The following ABCA1 variants were observed in gnomAD, a reference collection of about 807,000 sequenced individuals.
ABCA1 encodes the protein phospholipid-transporting ATPase ABCA1.
ABCA1 carries 133 observed loss-of-function variants against 262.5 expected under a neutral mutation model. The observed-to-expected ratio is 0.51, with a 90% CI of 0.44 to 0.59. ABCA1 has a LOEUF of 0.59. Ranked by LOEUF, ABCA1 falls within the 20% of genes least tolerant of loss-of-function variation. ABCA1 has a pLI of 0.00. For missense variants in ABCA1, 2,452 were observed against 2,777.5 expected, an observed-to-expected ratio of 0.88 and a Z score of 2.63; for synonymous variants, 1,022 against 1,043.5, an observed-to-expected ratio of 0.98 and a Z score of 0.40.
chr9:104,851,864 G>A lies in ABCA1; in HGVS notation c.721-6295C>T, dbSNP rs114868335. On this transcript the variant is annotated intron_variant, in intron 7 of 49. Coordinates refer to ENST00000374736, the MANE Select transcript of ABCA1 (RefSeq NM_005502.4). ...ATTATCACTACACGAAATGAACACT[G>A]GAAGATAATATTACAATGCATTAGG... 1.4e-3 allele frequency among the ~76,000 whole-genome samples: 213 copies of A among 152,238 alleles called. 1 individual carries two copies. Among genetic ancestry groups the A allele is most frequent in the African/African-American group, 4.9e-3 (204 of 41,544 alleles).
Position 104,788,410 on chromosome 9 carries a change from C to T in ABCA1, c.6069+16G>A, listed in dbSNP as rs1338967436. On this transcript the variant is annotated intron_variant, in intron 45 of 49. Coordinates refer to ENST00000374736, the MANE Select transcript of ABCA1 (RefSeq NM_005502.4). ...ATGCCAAAGGAGACAGGCTGGCTTT[C>T]AGGTGCCCACAGTACCTTGCCAACT... 1 of 1,614,090 alleles carries T rather than the reference C, an allele frequency of 6.2e-7. No homozygotes were observed. Among genetic ancestry groups the T allele is most frequent in the Non-Finnish European group, 8.5e-7 (1 of 1,179,944 alleles).
chr9:104,900,345 C>T (rs1840563902), intron 2 of ABCA1, among the ~76,000 whole-genome samples: 2 of 152,170 alleles, frequency 1.3e-5, no homozygotes, highest in Admixed American at 1.3e-4. Flanking sequence ...GTCCCAAGGG[C>T]CAGGCTCTGT....
At chr9:104,924,092 C>T (rs1386308709) in intron 1 of ABCA1, among the ~76,000 whole-genome samples, 2 of 152,124 alleles carry the variant, frequency 1.3e-5, no homozygotes, top group East Asian at 1.9e-4. Context: ...ACAGTACTTG[C>T]CACACAGTGC....
intron 4 of ABCA1, 47 bp from the exon 5 acceptor site, chr9:104,883,204 GC>G: frequency 6.7e-7 from 1 of 1,488,544 alleles, no homozygotes; most frequent in Non-Finnish European, 9.4e-7. Context: ...TAGGCCAACT[GC>G]CTCTGCTGCT....
At chr9:104,910,708 CTTTAT>C (rs1325772883) in intron 1 of ABCA1, among the ~76,000 whole-genome samples, 7 of 152,020 alleles carry the variant, frequency 4.6e-5, no homozygotes, top group Non-Finnish European at 8.8e-5. Context: ...TTTTTTATTA[CTTTAT>C]TTTATTTTTT....
intron 44 of ABCA1, among the ~76,000 whole-genome samples, chr9:104,789,183 C>G (rs1829192188): frequency 2.0e-5 from 3 of 152,312 alleles, no homozygotes; most frequent in East Asian, 1.9e-4. Flanking sequence ...ATTAGCACCC[C>G]CAGGGTCAGC....
Position 104,816,326 on chromosome 9 carries a change from G to T in ABCA1, c.3555C>A (p.Asn1185Lys), listed in dbSNP as rs371810744. The change falls in exon 25 of 50, where the codon AAC becomes AAA. Residue 1185 changes from asparagine to lysine, a missense_variant. Physicochemically the swap from Asn to Lys is moderately conservative, Grantham distance 94. Coordinates refer to ENST00000374736, the MANE Select transcript of ABCA1 (RefSeq NM_005502.4). ...CTTCAGACACATGCTTCCTGATGAG[G>T]TTGGAGATAGCAGAGACATCTGCAG... ...TLTIDVSAISNLIRKHVSEAR... is the reference protein window; with the variant it reads ...TLTIDVSAISKLIRKHVSEAR... 2.0e-5 allele frequency: 32 copies of T among 1,613,752 alleles called. No individual in the cohort carries two copies. In the African/African-American group the frequency reaches 2.3e-4, roughly 11 times the overall value.
At chr9:104,864,267 C>G (rs1022624327) in intron 5 of ABCA1, among the ~76,000 whole-genome samples, 4 of 152,066 alleles carry the variant, frequency 2.6e-5, no homozygotes, top group Admixed American at 2.6e-4. Flanking sequence ...CTGGCCAGGT[C>G]CAGGAAGAGC....
At chr9:104,875,481 G>A (rs758848650) in intron 5 of ABCA1, among the ~76,000 whole-genome samples, 4 of 152,130 alleles carry the variant, frequency 2.6e-5, no homozygotes, top group South Asian at 2.1e-4. Flanking sequence ...ATACTCAGTC[G>A]GGATGGCAGG....
rs1036496797 is a variant in ABCA1, at chr9:104,781,227, C to T, written c.*3088G>A. ...CAAAAATAGATCCCATTACAGACAGCGTAAAGTGCTTGGAATGAGGGCCAA... is the reference window on the plus strand; with the variant it reads ...CAAAAATAGATCCCATTACAGACAGTGTAAAGTGCTTGGAATGAGGGCCAA... On this transcript the variant is annotated 3_prime_UTR_variant, in exon 50 of 50. Transcript: ENST00000374736. 3 of 152,410 alleles carry T rather than the reference C, an allele frequency of 2.0e-5. No homozygotes were observed. Among genetic ancestry groups the T allele is most frequent in the Admixed American group, 6.6e-5 (1 of 15,252 alleles). The allele number at this position is 152,410 out of a possible 1,614,324, so 9.4% of individuals were successfully genotyped here. A position where few individuals can be genotyped will look rare whatever the true frequency, so the allele number is the denominator to read the frequency against.
chr9:104,833,321 A>C (rs7873387), intron 11 of ABCA1, among the ~76,000 whole-genome samples: 30,197 of 151,980 alleles, frequency 0.2, 4,143 homozygotes, highest in East Asian at 0.69. Flanking sequence ...AGCTAAGACT[A>C]CAGGTGCACA....
At position 104,837,477 on chromosome 9, in the gene ABCA1, T is replaced by C; in HGVS notation, c.1145A>G (p.Lys382Arg). ...WKALKPLLVG[K>R]ILYTPDTPAT... ...TGGAGTGTCAGGTGTATACAGGATC[T>C]TCCCAACGAGCAGCGGCTTCAGAGC... Residue 382 changes from lysine to arginine, a missense_variant, in exon 10 of 50, where the codon AAG (lysine) becomes AGG (arginine). Physicochemically the swap from Lys to Arg is conservative, Grantham distance 26. Transcript: ENST00000374736. The C allele has an allele frequency of 6.2e-7, 1 of 1,614,104 alleles. No individual in the cohort carries two copies. The highest frequency in any genetic ancestry group is 1.3e-5 in the African/African-American group (1 of 75,038).
At chr9:104,920,763 G>T (rs570255057) in intron 1 of ABCA1, among the ~76,000 whole-genome samples, 2 of 152,280 alleles carry the variant, frequency 1.3e-5, no homozygotes, top group East Asian at 1.9e-4. Flanking sequence ...GCCCACCTTG[G>T]CCTCCCAAAG....
chr9:104,855,237 C>T (rs1022396187), intron 7 of ABCA1: 34 of 874,008 alleles, frequency 3.9e-5, no homozygotes, highest in Middle Eastern at 5.8e-4. Context: ...CACTCTGTCA[C>T]GCTGGCTGGA....
chr9:104,855,566 A>T, intron 7 of ABCA1: 1 of 1,143,730 alleles, frequency 8.7e-7, no homozygotes, highest in Non-Finnish European at 1.2e-6. Flanking sequence ...CATGTCAATT[A>T]AATTATCAAC....
chr9:104,849,504 G>A (rs570492926), intron 7 of ABCA1, among the ~76,000 whole-genome samples: 5 of 152,228 alleles, frequency 3.3e-5, no homozygotes, highest in South Asian at 4.1e-4. Context: ...TTCTTTATTC[G>A]AGATTAAGTG....
At chr9:104,788,287 C>T (rs2118844253) in intron 45 of ABCA1, 139 bp downstream of exon 45, 2 of 1,305,166 alleles carry the variant, frequency 1.5e-6, no homozygotes, top group East Asian at 2.3e-5. Context: ...ACCCTGAAAG[C>T]AGATACAAAG....
chr9:104,786,269 C>T (rs1588188729), intron 48 of ABCA1, 29 bp downstream of exon 48: 5 of 1,542,200 alleles, frequency 3.2e-6, no homozygotes, highest in East Asian at 2.2e-5. Context: ...TCTCACTAGG[C>T]ACTATCCCAA....
At chr9:104,837,332 G>A in intron 10 of ABCA1, 96 bp downstream of exon 10, 3 of 1,521,662 alleles carry the variant, frequency 2.0e-6, no homozygotes, top group Admixed American at 1.7e-5. Context: ...AGAGCCGTGA[G>A]TATACTTAGC....
Sources: gnomAD v4.1 joint callset for allele counts (sites outside exome capture counted in the v4.1 genomes callset) on GRCh38, gnomAD v4.1.1 for gene constraint, MANE v1.5 for transcripts, NCBI Gene and HGNC (gene_info 2026-07-23, HGNC 2026-07-21) for gene names.